PIGK: variants seen among roughly 807,000 people sequenced by gnomAD.
PIGK encodes phosphatidylinositol glycan anchor biosynthesis class K.
A neutral mutation model predicts 50.6 loss-of-function variants in PIGK; 42 were observed. The ratio of observed to expected loss-of-function variants is 0.83; its 90% CI spans 0.65 to 1.07. The LOEUF (loss-of-function observed/expected upper bound fraction) is 1.07, where lower values mean the gene tolerates loss of function less well. PIGK is among the 50% of genes least tolerant of loss of function. PIGK has a pLI of 0.00. For missense variants in PIGK, 448 were observed against 488.7 expected, an observed-to-expected ratio of 0.92 and a Z score of 0.78; for synonymous variants, 151 against 156.0, an observed-to-expected ratio of 0.97 and a Z score of 0.24.
intron 9 of PIGK, among the ~76,000 whole-genome samples, chr1:77,131,276 T>A (rs1351948782): frequency 6.6e-6 from 1 of 151,862 alleles, no homozygotes; most frequent in African/African-American, 2.4e-5. Flanking sequence ...ATCTTTTATC[T>A]GGCAATCTTA....
intron 3 of PIGK, among the ~76,000 whole-genome samples, chr1:77,171,176 C>T (rs1411395352): frequency 6.6e-6 from 1 of 151,998 alleles, no homozygotes; most frequent in East Asian, 1.9e-4. Context: ...GTGGCTCACG[C>T]CTGTAATCCC....
chr1:77,134,356 T>C (rs1654451072), intron 9 of PIGK, among the ~76,000 whole-genome samples: 1 of 152,202 alleles, frequency 6.6e-6, no homozygotes, highest in Admixed American at 6.5e-5. Context: ...TTATCAGATG[T>C]TTTTTGCTTA....
intron 3 of PIGK, among the ~76,000 whole-genome samples, chr1:77,204,985 A>G (rs1013355866): frequency 6.6e-6 from 1 of 152,210 alleles, no homozygotes; most frequent in Non-Finnish European, 1.5e-5. Context: ...AGTTATAGAT[A>G]AGCAATTATT....
intron 9 of PIGK, among the ~76,000 whole-genome samples, chr1:77,151,192 A>C (rs528789541): frequency 2.8e-4 from 42 of 152,216 alleles, no homozygotes; most frequent in Non-Finnish European, 5.1e-4. Flanking sequence ...ATAATGGTTC[A>C]ATACATGCAA....
At chr1:77,158,587 G>A (rs1196614493) in intron 8 of PIGK, among the ~76,000 whole-genome samples, 1 of 152,140 alleles carries the variant, frequency 6.6e-6, no homozygotes, top group Non-Finnish European at 1.5e-5. Context: ...GGCTGAGGTG[G>A]ACTCAGATGG....
chr1:77,163,866 T>C lies in PIGK; in HGVS notation c.564A>G (p.Glu188=). Residue 188 remains glutamate (E), a synonymous_variant, in exon 6 of 11, where the codon GAA becomes GAG. Coordinates refer to ENST00000370812, the MANE Select transcript of PIGK (RefSeq NM_005482.3). ...ATTACCGTCTTTTCTGCCACATTTG[T>C]TCAAAAGCATCCGCGAGTTCTATGT... is the stretch of plus-strand genomic sequence containing the variant. The part of the protein sequence containing the change: ...ITNIELADAF[E]QMWQKRRYNE... 6.2e-7 allele frequency: 1 copy of C among 1,607,042 alleles called. No homozygotes were observed. Among genetic ancestry groups the C allele is most frequent in the Non-Finnish European group, 8.5e-7 (1 of 1,175,182 alleles).
At chr1:77,108,923 C>T (rs930388084) in intron 10 of PIGK, among the ~76,000 whole-genome samples, 50 of 152,120 alleles carry the variant, frequency 3.3e-4, no homozygotes, top group African/African-American at 1.2e-3. Flanking sequence ...AGTTCTTGTG[C>T]CATGGTTTTC....
intron 8 of PIGK, among the ~76,000 whole-genome samples, chr1:77,155,146 C>A (rs1284504490): frequency 6.6e-6 from 1 of 152,156 alleles, no homozygotes; most frequent in Non-Finnish European, 1.5e-5. Flanking sequence ...ACTGCATATC[C>A]TCTTGCTCTC....
At chr1:77,154,885 G>A (rs1197199572) in intron 8 of PIGK, among the ~76,000 whole-genome samples, 1 of 152,128 alleles carries the variant, frequency 6.6e-6, no homozygotes, top group Non-Finnish European at 1.5e-5. Context: ...TGAATTATAT[G>A]CTTCAAAGTG....
intron 10 of PIGK, among the ~76,000 whole-genome samples, chr1:77,106,193 A>G (rs537162587): frequency 1.3e-5 from 2 of 152,180 alleles, no homozygotes; most frequent in Non-Finnish European, 2.9e-5. Flanking sequence ...GCTACTTAAA[A>G]GGTAATTCCA....
At chr1:77,150,830 A>G (rs1654879875) in intron 9 of PIGK, among the ~76,000 whole-genome samples, 2 of 152,172 alleles carry the variant, frequency 1.3e-5, no homozygotes. Context: ...ACCAATAATG[A>G]GTAACAAGAT....
At chr1:77,123,880 C>A (rs1462857389) in intron 9 of PIGK, among the ~76,000 whole-genome samples, 1 of 152,002 alleles carries the variant, frequency 6.6e-6, no homozygotes, top group African/African-American at 2.4e-5. Context: ...TACCTTAGAA[C>A]GTGACTGTAT....
intron 9 of PIGK, among the ~76,000 whole-genome samples, chr1:77,143,376 C>A (rs1654699073): frequency 6.6e-6 from 1 of 151,984 alleles, no homozygotes; most frequent in African/African-American, 2.4e-5. Context: ...AAAGCCTACA[C>A]TTACATATAG....
intron 9 of PIGK, among the ~76,000 whole-genome samples, chr1:77,142,536 G>A (rs140616602): frequency 3.3e-5 from 5 of 152,216 alleles, no homozygotes; most frequent in Admixed American, 3.3e-4. Context: ...AAATATCCAA[G>A]CTGGGTAATT....
rs180747715 is a variant in PIGK, at chr1:77,147,373, C to T, written c.986+7076G>A. On this transcript the variant is annotated intron_variant, in intron 9 of 10. Transcript: ENST00000370812. ...CATATCAGGAGGAGAGAGGAGGGAA[C>T]GGGAGGGGAGGTGAGGGCAGGGGAG... Among the ~76,000 whole-genome samples the T allele has an allele frequency of 3.4e-5, 5 of 146,712 alleles. No individual in the cohort carries two copies. The East Asian group carries it at 1.1e-3, about 31-fold the overall frequency.
Position 77,219,357 on chromosome 1 carries a change from T to TGCCAAGACAGTCGCAACACAGC in PIGK, c.45_46insGCTGTGTTGCGACTGTCTTGGC (p.Thr16AlafsTer20), listed in dbSNP as rs1656669383. 1.2e-6 allele frequency: 2 copies of TGCCAAGACAGTCGCAACACAGC among 1,613,552 alleles called. No individual in the cohort carries two copies. Among genetic ancestry groups the TGCCAAGACAGTCGCAACACAGC allele is most frequent in the African/African-American group, 2.7e-5 (2 of 74,860 alleles). ...CTGCCGAAGGACAAGAGCAACACAG[T>TGCCAAGACAGTCGCAACACAGC]TGCCAAGACAGTCGCAGCCCGGCTG... On this transcript the variant is annotated frameshift_variant, in exon 1 of 11. Transcript: ENST00000370812. LOFTEE classifies it high-confidence loss of function.
intron 9 of PIGK, among the ~76,000 whole-genome samples, chr1:77,148,446 T>C (rs1312786642): frequency 6.6e-6 from 1 of 152,208 alleles, no homozygotes; most frequent in Non-Finnish European, 1.5e-5. Context: ...TAAAGTAATT[T>C]TCTCCTTGAT....
At chr1:77,130,346 G>T (rs1396195953) in intron 9 of PIGK, among the ~76,000 whole-genome samples, 1 of 120,010 alleles carries the variant, frequency 8.3e-6, no homozygotes. Flanking sequence ...CAATAATTCT[G>T]ATGTTTTCTT....
At chr1:77,178,824 G>T (rs1655545672) in intron 3 of PIGK, among the ~76,000 whole-genome samples, 1 of 152,202 alleles carries the variant, frequency 6.6e-6, no homozygotes, top group East Asian at 1.9e-4. Context: ...AGAGCTGAAA[G>T]AAATGTGTGA....
Sources: gnomAD v4.1 joint callset for allele counts (sites outside exome capture counted in the v4.1 genomes callset) on GRCh38, gnomAD v4.1.1 for gene constraint, MANE v1.5 for transcripts, NCBI Gene and HGNC (gene_info 2026-07-23, HGNC 2026-07-21) for gene names.